The following XIRP2 variants were observed in gnomAD, a reference collection of about 807,000 sequenced individuals.
The protein encoded by XIRP2 is xin actin-binding repeat-containing protein 2.
Under a neutral mutation model 277.0 loss-of-function variants are expected in XIRP2, and 236 were observed. That is an observed-to-expected ratio of 0.85 (90% CI 0.77 to 0.95). XIRP2 has a LOEUF of 0.95. Among genes scored for constraint, XIRP2 ranks in the 40% least tolerant of loss-of-function variants. XIRP2 has a pLI of 0.00. For missense variants in XIRP2, 4,640 were observed against 4,157.5 expected, an observed-to-expected ratio of 1.12 and a Z score of -3.19; for synonymous variants, 1,490 against 1,416.5, an observed-to-expected ratio of 1.05 and a Z score of -1.17.
At chr2:166,908,969 G>A (rs1684618843) in intron 2 of XIRP2, among the ~76,000 whole-genome samples, 1 of 152,020 alleles carries the variant, frequency 6.6e-6, no homozygotes, top group Non-Finnish European at 1.5e-5. Flanking sequence ...CTGTTCCATT[G>A]GTCTATATCT....
chr2:167,152,387 T>C (rs1692043913), intron 3 of XIRP2, among the ~76,000 whole-genome samples: 1 of 151,918 alleles, frequency 6.6e-6, no homozygotes, highest in Non-Finnish European at 1.5e-5. Flanking sequence ...CTATCAGTTC[T>C]CTACAATTTT....
intron 2 of XIRP2, among the ~76,000 whole-genome samples, chr2:167,061,675 T>C (rs964314830): frequency 1.3e-5 from 2 of 152,102 alleles, no homozygotes; most frequent in Non-Finnish European, 1.5e-5. Flanking sequence ...GGTATCTTTA[T>C]AAGAAGAAAG....
intron 2 of XIRP2, among the ~76,000 whole-genome samples, chr2:167,112,327 A>C (rs569188869): frequency 6.6e-6 from 1 of 151,706 alleles, no homozygotes; most frequent in Non-Finnish European, 1.5e-5. Flanking sequence ...ACACTTTCTT[A>C]GTTGTGTCCC....
At chr2:167,133,898 A>G (rs1335458134) in intron 2 of XIRP2, among the ~76,000 whole-genome samples, 1 of 152,196 alleles carries the variant, frequency 6.6e-6, no homozygotes, top group Non-Finnish European at 1.5e-5. Flanking sequence ...ATACCTCACT[A>G]CAAGTTATGA....
chr2:167,203,033 G>C (rs1693765732), intron 3 of XIRP2, among the ~76,000 whole-genome samples: 1 of 152,108 alleles, frequency 6.6e-6, no homozygotes, highest in Admixed American at 6.6e-5. Flanking sequence ...CAATGCTCCT[G>C]ACTCCCTCTT....
At chr2:167,082,781 G>C (rs1689778442) in intron 2 of XIRP2, among the ~76,000 whole-genome samples, 1 of 152,116 alleles carries the variant, frequency 6.6e-6, no homozygotes, top group Non-Finnish European at 1.5e-5. Flanking sequence ...CCCACTTTTT[G>C]ATGGGGTTGT....
At chr2:166,934,629 T>C (rs1685440615) in intron 2 of XIRP2, among the ~76,000 whole-genome samples, 1 of 152,204 alleles carries the variant, frequency 6.6e-6, no homozygotes. Flanking sequence ...ACAAGGCACA[T>C]ACAAATAAAA....
chr2:167,112,937 G>C (rs911062708), intron 2 of XIRP2, among the ~76,000 whole-genome samples: 1 of 152,072 alleles, frequency 6.6e-6, no homozygotes, highest in Non-Finnish European at 1.5e-5. Flanking sequence ...TTACAGGCAC[G>C]AACCACCATG....
chr2:167,010,537 T>C (rs932753598), intron 2 of XIRP2, among the ~76,000 whole-genome samples: 1 of 152,158 alleles, frequency 6.6e-6, no homozygotes, highest in African/African-American at 2.4e-5. Context: ...GGCTTAGGAT[T>C]GACTTGGCAA....
At chr2:167,001,918 C>G (rs1371429091) in intron 2 of XIRP2, among the ~76,000 whole-genome samples, 1 of 152,028 alleles carries the variant, frequency 6.6e-6, no homozygotes, top group Admixed American at 6.6e-5. Context: ...CCTCATTTAG[C>G]TTTTTATTTC....
intron 2 of XIRP2, among the ~76,000 whole-genome samples, chr2:167,067,081 G>T (rs1335349408): frequency 4.6e-5 from 7 of 151,920 alleles, no homozygotes; most frequent in Admixed American, 4.6e-4. Flanking sequence ...TATAGTTTTT[G>T]AAAATTTAGA....
intron 5 of XIRP2, among the ~76,000 whole-genome samples, chr2:167,234,547 A>G (rs1224274699): frequency 2.0e-5 from 3 of 151,698 alleles, no homozygotes; most frequent in South Asian, 4.1e-4. Flanking sequence ...AAGCTCTACA[A>G]GGTCACTCTT....
intron 2 of XIRP2, among the ~76,000 whole-genome samples, chr2:167,089,474 C>T (rs1186197120): frequency 2.0e-5 from 3 of 152,148 alleles, no homozygotes; most frequent in Non-Finnish European, 2.9e-5. Context: ...AGGCAAAATG[C>T]TTTATGCTTA....
chr2:166,981,621 G>A (rs775297923), intron 2 of XIRP2, among the ~76,000 whole-genome samples: 4 of 151,708 alleles, frequency 2.6e-5, no homozygotes, highest in Non-Finnish European at 4.4e-5. Flanking sequence ...GGCTGGTCGC[G>A]AACTCCTGAG....
intron 2 of XIRP2, among the ~76,000 whole-genome samples, chr2:167,121,072 G>C (rs1486410451): frequency 6.6e-6 from 1 of 152,100 alleles, no homozygotes; most frequent in Non-Finnish European, 1.5e-5. Context: ...TGAAATAACT[G>C]TGTTGTGTTC....
rs1332953267 is a variant in XIRP2 at position 167,133,705 on chromosome 2, CT to C, written c.409-2202del. 3.9e-5 allele frequency among the ~76,000 whole-genome samples: 6 copies of C among 152,318 alleles called. No homozygotes were observed. In the South Asian group the frequency reaches 1.2e-3, roughly 32 times the overall value. ...GATCTGCACCTTCTATTTATCTCAT[CT>C]TGTTTTTGCCAATGCTAGCAGTTGG... On this transcript the variant is annotated intron_variant, in intron 2 of 10. Coordinates refer to ENST00000409195, the MANE Select transcript of XIRP2 (RefSeq NM_152381.6).
intron 2 of XIRP2, among the ~76,000 whole-genome samples, chr2:166,958,293 A>G (rs1230631534): frequency 6.6e-6 from 1 of 151,912 alleles, no homozygotes; most frequent in Non-Finnish European, 1.5e-5. Flanking sequence ...GCAGTGTTTC[A>G]GATGACTCAA....
At chr2:167,220,739 G>T (rs570373301) in intron 5 of XIRP2, among the ~76,000 whole-genome samples, 13 of 152,158 alleles carry the variant, frequency 8.5e-5, no homozygotes, top group Non-Finnish European at 1.6e-4. Flanking sequence ...AGAGGATGCT[G>T]ATTGGCTTAG....
In XIRP2 at chr2:167,087,909, G is replaced by A. The variant is rs375925912; in HGVS notation, c.409-48000G>A. ...GCAGAAATCACCCTTCTTCTGCGTC[G>A]CTCACGCTGGGAGCTGTAGACCAGA... On this transcript the variant is annotated intron_variant, in intron 2 of 10. Coordinates refer to ENST00000409195, the MANE Select transcript of XIRP2 (RefSeq NM_152381.6). 1.1e-4 allele frequency among the ~76,000 whole-genome samples: 16 copies of A among 152,252 alleles called. 1 individual carries two copies. The highest frequency in any genetic ancestry group is 2.2e-4 in the African/African-American group (9 of 41,526).
Sources: gnomAD v4.1 joint callset for allele counts (sites outside exome capture counted in the v4.1 genomes callset) on GRCh38, gnomAD v4.1.1 for gene constraint, MANE v1.5 for transcripts, NCBI Gene and HGNC (gene_info 2026-07-23, HGNC 2026-07-21) for gene names.